The following SUSD4 variants were observed in gnomAD, a reference collection of about 807,000 sequenced individuals.
The protein encoded by SUSD4 is sushi domain containing 4, also known as sushi domain-containing protein 4.
Under a neutral mutation model 50.5 loss-of-function variants are expected in SUSD4, and 41 were observed. The ratio of observed to expected loss-of-function variants is 0.81; its 90% CI spans 0.63 to 1.05. The LOEUF (loss-of-function observed/expected upper bound fraction) is 1.05. SUSD4 is among the 50% of genes least tolerant of loss of function. The probability of loss-of-function intolerance (pLI) is 0.00; values close to 1 mark genes in which losing one functional copy is unlikely to be tolerated. For missense variants in SUSD4, 580 were observed against 634.7 expected (o/e 0.91, Z 0.93); for synonymous variants, 257 against 257.3 (o/e 1.00, Z 0.01).
intron 2 of SUSD4, among the ~76,000 whole-genome samples, chr1:223,298,089 A>G (rs1379958473): frequency 6.6e-6 from 1 of 151,462 alleles, no homozygotes; most frequent in African/African-American, 2.4e-5. Context: ...TGGATGGGTG[A>G]ATAAGTGGAT....
At chr1:223,291,648 T>C (rs781636916) in intron 3 of SUSD4, among the ~76,000 whole-genome samples, 2 of 152,160 alleles carry the variant, frequency 1.3e-5, no homozygotes, top group African/African-American at 4.8e-5. Context: ...TAATTTCAAA[T>C]GAACTCAATG....
chr1:223,262,695 T>TTTG (rs1662205304), intron 5 of SUSD4, among the ~76,000 whole-genome samples: 1 of 152,184 alleles, frequency 6.6e-6, no homozygotes, highest in African/African-American at 2.4e-5. Flanking sequence ...GAATCACCAC[T>TTTG]TTGTACCTTT....
intron 5 of SUSD4, among the ~76,000 whole-genome samples, chr1:223,232,357 CTG>C (rs781092164): frequency 5.9e-5 from 9 of 152,212 alleles, no homozygotes; most frequent in Non-Finnish European, 1.0e-4. Context: ...AGTCATTTCA[CTG>C]TGTAGATGTA....
At chr1:223,331,065 G>A (rs1390523931) in intron 2 of SUSD4, among the ~76,000 whole-genome samples, 1 of 152,176 alleles carries the variant, frequency 6.6e-6, no homozygotes, top group Non-Finnish European at 1.5e-5. Context: ...TGTCTCATGG[G>A]TGAGGGCATT....
rs1023962216 is a variant in SUSD4, at chr1:223,227,533, T to C, written c.1061+61A>G. On this transcript the variant is annotated intron_variant, in intron 7 of 8. Coordinates refer to ENST00000366878, the MANE Select transcript of SUSD4 (RefSeq NM_017982.4). This position sits in a 1 kb window ranked among gnomAD's most constrained non-coding sequence, Gnocchi z 4.5. Reference sequence around the variant, plus strand: ...TTCACTCATCACTTTCTCCCTCTGCTGCTAAGGGTAGCTGCATTGAGTCAG... The same window carrying C: ...TTCACTCATCACTTTCTCCCTCTGCCGCTAAGGGTAGCTGCATTGAGTCAG... 3 of 1,575,564 alleles carry C rather than the reference T, an allele frequency of 1.9e-6. No homozygotes were observed. Among genetic ancestry groups the C allele is most frequent in the African/African-American group, 2.7e-5 (2 of 74,320 alleles).
chr1:223,309,815 G>T (rs1665764945), intron 2 of SUSD4, among the ~76,000 whole-genome samples: 2 of 152,144 alleles, frequency 1.3e-5, no homozygotes, highest in African/African-American at 4.8e-5. Context: ...TCTTTGACTA[G>T]CAGAGACTTC....
intron 5 of SUSD4, among the ~76,000 whole-genome samples, chr1:223,252,236 A>AAAAATATATATAT (rs1343732568): frequency 1.1e-4 from 10 of 89,696 alleles, no homozygotes; most frequent in African/African-American, 3.7e-4. Context: ...AAAAAAAAAA[A>AAAAATATATATAT]ATATATATAT....
At position 223,220,850 on chromosome 1, in the gene SUSD4, C is replaced by T; in HGVS notation, c.*1342G>A. 2.5e-6 allele frequency: 1 copy of T among 394,544 alleles called. No individual in the cohort carries two copies. Among genetic ancestry groups the T allele is most frequent in the Non-Finnish European group, 4.5e-6 (1 of 223,512 alleles). The allele number at this position is 394,544 out of a possible 1,614,324, so 24.4% of individuals were successfully genotyped here. ...CTGTCATTTTCTTTTAATTTTTAAT[C>T]AGTCTGTGTCAAGAAGAAACAGGAC... On this transcript the variant is annotated 3_prime_UTR_variant, in exon 9 of 9. Coordinates refer to ENST00000366878, the MANE Select transcript of SUSD4 (RefSeq NM_017982.4).
rs1050329471 is a variant in SUSD4, at chr1:223,227,109, A to G, written c.1061+485T>C. 6.6e-6 allele frequency among the ~76,000 whole-genome samples: 1 copy of G among 152,106 alleles called. No individual in the cohort carries two copies. The highest frequency in any genetic ancestry group is 2.4e-5 in the African/African-American group (1 of 41,394). On this transcript the variant is annotated intron_variant, in intron 7 of 8. Transcript: ENST00000366878. This position sits in a 1 kb window ranked among gnomAD's most constrained non-coding sequence, Gnocchi z 4.5. ...GTAGACTCTCACTAGCCCTTTCCTG[A>G]TTGCTCCTGGAATCAGAAAAGTCTT... is the stretch of plus-strand genomic sequence containing the variant.
chr1:223,285,759 A>C (rs1251984239), intron 3 of SUSD4, among the ~76,000 whole-genome samples: 1 of 152,198 alleles, frequency 6.6e-6, no homozygotes, highest in Non-Finnish European at 1.5e-5. Context: ...CAAATACCTC[A>C]TGTTCTCACT....
At chr1:223,286,350 C>T (rs534507584) in intron 3 of SUSD4, among the ~76,000 whole-genome samples, 2 of 152,294 alleles carry the variant, frequency 1.3e-5, no homozygotes, top group South Asian at 2.1e-4. Context: ...CTCCTGACCT[C>T]GTGATCCACC....
chr1:223,283,060 A>C (rs1360746252), intron 3 of SUSD4, among the ~76,000 whole-genome samples: 1 of 152,092 alleles, frequency 6.6e-6, no homozygotes, highest in Non-Finnish European at 1.5e-5. Context: ...CCTTCCTTAC[A>C]CCTTATATGA....
Position 223,363,330 on chromosome 1 carries a change from C to A in SUSD4, c.96G>T (p.Val32=). 6.2e-7 allele frequency: 1 copy of A among 1,610,772 alleles called. No individual in the cohort carries two copies. Among genetic ancestry groups the A allele is most frequent in the South Asian group, 1.1e-5 (1 of 90,030 alleles). Residue 32 remains valine, a synonymous_variant, in exon 2 of 9, where the codon GTG becomes GTT. Transcript: ENST00000366878. The part of the protein sequence containing the change: ...QPQSPQRLLA[V]ILWFQLALCF... ...ACAGCGCCAGCTGAAACCACAGGAT[C>A]ACGGCCAAGAGTCTCTGGGGGGACT...
At chr1:223,353,664 C>CA (rs1286309945) in intron 2 of SUSD4, among the ~76,000 whole-genome samples, 1 of 152,076 alleles carries the variant, frequency 6.6e-6, no homozygotes. Flanking sequence ...ACAGCGCTGC[C>CA]AAAAAATTTG....
intron 2 of SUSD4, among the ~76,000 whole-genome samples, chr1:223,297,686 G>C (rs1664916490): frequency 6.6e-6 from 1 of 152,166 alleles, no homozygotes; most frequent in African/African-American, 2.4e-5. Context: ...AAGGCAACCT[G>C]GGCTCACCTC....
intron 5 of SUSD4, chr1:223,263,937 A>T (rs1294312659): frequency 2.0e-6 from 2 of 985,322 alleles, no homozygotes; most frequent in Non-Finnish European, 2.4e-6. Flanking sequence ...ATGCTGAGAA[A>T]CACATTGGAG....
chr1:223,290,264 G>A (rs1664402072), intron 3 of SUSD4, among the ~76,000 whole-genome samples: 2 of 152,168 alleles, frequency 1.3e-5, no homozygotes, highest in Admixed American at 1.3e-4. Context: ...TGAAAGTTTA[G>A]CTTTTTCACT....
At chr1:223,290,689 GA>G (rs1014318554) in intron 3 of SUSD4, among the ~76,000 whole-genome samples, 24 of 146,366 alleles carry the variant, frequency 1.6e-4, no homozygotes, top group African/African-American at 5.0e-4. Context: ...AATAAGTAGA[GA>G]AAAAAAAAAG....
Position 223,223,580 on chromosome 1 carries a change from G to A in SUSD4, c.1113C>T (p.Gly371=), listed in dbSNP as rs201599703. 6.3e-5 allele frequency: 101 copies of A among 1,612,886 alleles called. No homozygotes were observed. In the African/African-American group the frequency reaches 1.0e-3, roughly 16 times the overall value. The change falls in exon 8 of 9, where the codon GGC becomes GGT. Residue 371 remains glycine (G), a synonymous_variant. Transcript: ENST00000366878. Reference sequence around the variant, plus strand: ...CATAGGACGGGAGCATGACGGGCACGCCGTCTACCACCACAAAGTCAGGGT... The same window carrying A: ...CATAGGACGGGAGCATGACGGGCACACCGTCTACCACCACAAAGTCAGGGT... ...SSDPDFVVVD[G]VPVMLPSYDE... is the part of the protein sequence containing the mutation.
Sources: gnomAD v4.1 joint callset for allele counts (sites outside exome capture counted in the v4.1 genomes callset) on GRCh38, gnomAD v4.1.1 for gene constraint, Gnocchi (gnomAD v3.1) non-coding constraint, MANE v1.5 for transcripts, NCBI Gene and HGNC (gene_info 2026-07-23, HGNC 2026-07-21) for gene names.